PTPRG: variants seen among roughly 807,000 people sequenced by gnomAD.
PTPRG encodes receptor-type tyrosine-protein phosphatase gamma.
PTPRG carries 102 observed loss-of-function variants against 165.3 expected under a neutral mutation model. The observed-to-expected ratio is 0.62, with a 90% CI of 0.53 to 0.73. The LOEUF is 0.73. PTPRG is among the 30% of genes least tolerant of loss of function. The pLI is 0.00. For missense variants in PTPRG, 1,866 were observed against 1,861.4 expected (o/e 1.00, Z -0.05); for synonymous variants, 675 against 669.5 (o/e 1.01, Z -0.13).
chr3:62,182,339 A>G (rs1254006315), intron 8 of PTPRG, among the ~76,000 whole-genome samples: 1 of 152,250 alleles, frequency 6.6e-6, no homozygotes, highest in East Asian at 1.9e-4. Context: ...TTATCACACA[A>G]GTCTCGTAAC....
chr3:61,729,429 C>T (rs982190571), intron 1 of PTPRG, among the ~76,000 whole-genome samples: 3 of 152,066 alleles, frequency 2.0e-5, no homozygotes, highest in Non-Finnish European at 4.4e-5. Flanking sequence ...ATCAGTTTGC[C>T]GTGTTTGCTC....
intron 2 of PTPRG, among the ~76,000 whole-genome samples, chr3:61,908,153 G>A (rs1441825280): frequency 7.0e-6 from 1 of 143,266 alleles, no homozygotes; most frequent in African/African-American, 2.6e-5. Context: ...AAAAAAATCG[G>A]CCGGGCTCAC....
intron 1 of PTPRG, among the ~76,000 whole-genome samples, chr3:61,580,293 A>G (rs1700257921): frequency 6.6e-6 from 1 of 152,178 alleles, no homozygotes; most frequent in Non-Finnish European, 1.5e-5. Context: ...CAAAATTAAA[A>G]AACAAACAAC....
chr3:61,784,187 T>C (rs2034626453), intron 2 of PTPRG, among the ~76,000 whole-genome samples: 1 of 152,152 alleles, frequency 6.6e-6, no homozygotes, highest in African/African-American at 2.4e-5. Context: ...TAATTGGTGA[T>C]GTCAGCGGGG....
At chr3:61,698,504 CTGTGTG>C (rs1472583953) in intron 1 of PTPRG, among the ~76,000 whole-genome samples, 3 of 152,156 alleles carry the variant, frequency 2.0e-5, no homozygotes, top group Non-Finnish European at 4.4e-5. Flanking sequence ...ACCACTGTAG[CTGTGTG>C]TGTCAATACA....
Position 62,210,997 on chromosome 3 carries a change from G to C in PTPRG, c.2155+7047G>C, listed in dbSNP as rs1245699605. 6.6e-6 allele frequency among the ~76,000 whole-genome samples: 1 copy of C among 152,160 alleles called. No individual in the cohort carries two copies. Among genetic ancestry groups the C allele is most frequent in the Non-Finnish European group, 1.5e-5 (1 of 68,024 alleles). ...CCCCTAATGCCTATGTTGTTGGTGG[G>C]TTAACTGTATGCCCAAAGGATTGAA... On this transcript the variant is annotated intron_variant, in intron 12 of 29. Transcript: ENST00000474889. This position sits in a 1 kb window ranked among gnomAD's most constrained non-coding sequence, Gnocchi z 4.1.
chr3:61,821,596 T>C (rs929927694), intron 2 of PTPRG, among the ~76,000 whole-genome samples: 1 of 152,228 alleles, frequency 6.6e-6, no homozygotes, highest in African/African-American at 2.4e-5. Context: ...AGTAATGTGC[T>C]GTGACTTATA....
chr3:62,069,734 T>C (rs1701149688), intron 4 of PTPRG, among the ~76,000 whole-genome samples: 1 of 149,652 alleles, frequency 6.7e-6, no homozygotes, highest in African/African-American at 2.5e-5. Flanking sequence ...ACAGAGTAAC[T>C]CCGGCCTATA....
Position 61,665,022 on chromosome 3 carries a change from A to T in PTPRG, c.86-83856A>T, listed in dbSNP as rs541614814. On this transcript the variant is annotated intron_variant, in intron 1 of 29. Transcript: ENST00000474889. ...AAATCTTACTGTCTCTATCAGTGTC[A>T]CCCCTGTTTGAATAGGAACCCTCAC... Among the ~76,000 whole-genome samples the T allele has an allele frequency of 4.6e-5, 7 of 152,168 alleles. No individual in the cohort carries two copies. In the South Asian group the frequency reaches 1.5e-3, roughly 32 times the overall value.
intron 6 of PTPRG, among the ~76,000 whole-genome samples, chr3:62,149,449 T>G (rs1316972119): frequency 6.6e-6 from 1 of 152,114 alleles, no homozygotes; most frequent in African/African-American, 2.4e-5. Flanking sequence ...AATTTTTGTA[T>G]CTTTAGATGT....
intron 2 of PTPRG, among the ~76,000 whole-genome samples, chr3:61,819,918 A>G (rs1430647746): frequency 6.6e-6 from 1 of 152,164 alleles, no homozygotes; most frequent in Non-Finnish European, 1.5e-5. Context: ...CATTATAACT[A>G]GTTGGGAAAA....
chr3:61,808,087 C>T (rs1161856100), intron 2 of PTPRG, among the ~76,000 whole-genome samples: 7 of 152,148 alleles, frequency 4.6e-5, no homozygotes, highest in African/African-American at 1.7e-4. Context: ...TATTGTTATA[C>T]AAACAAAACT....
At chr3:62,267,924 G>A (rs903093504) in intron 19 of PTPRG, 105 bp downstream of exon 19, 13 of 1,331,996 alleles carry the variant, frequency 9.8e-6, no homozygotes, top group Admixed American at 9.0e-5. Context: ...AAAGAGTTAC[G>A]GAAATGAAAA....
chr3:61,900,591 A>G (rs1227794725), intron 2 of PTPRG, among the ~76,000 whole-genome samples: 1 of 152,102 alleles, frequency 6.6e-6, no homozygotes, highest in African/African-American at 2.4e-5. Flanking sequence ...GCAGCTCCCA[A>G]ACCACCCTGT....
rs2032919833 is a variant in PTPRG at position 61,740,084 on chromosome 3, C to G, written c.86-8794C>G. ...TGGTGGCCACCAGCATGTAATCTCT[C>G]TGCTGTTTGCCATTTCTGCTGGCCA... is the stretch of plus-strand genomic sequence containing the variant. On this transcript the variant is annotated intron_variant, in intron 1 of 29. Transcript: ENST00000474889. Among the ~76,000 whole-genome samples, 3 of 152,196 alleles carry G rather than the reference C, an allele frequency of 2.0e-5. No homozygotes were observed. In the South Asian group the frequency reaches 6.2e-4, roughly 31 times the overall value.
intron 2 of PTPRG, among the ~76,000 whole-genome samples, chr3:61,974,888 G>C (rs2107667538): frequency 6.6e-6 from 1 of 152,282 alleles, no homozygotes; most frequent in African/African-American, 2.4e-5. Context: ...CAGACCTGAA[G>C]TCTGTGTTGA....
At chr3:61,712,354 C>T (rs1322321984) in intron 1 of PTPRG, among the ~76,000 whole-genome samples, 1 of 151,098 alleles carries the variant, frequency 6.6e-6, no homozygotes, top group Non-Finnish European at 1.5e-5. Flanking sequence ...AAAGAGAGAA[C>T]ACTGGAGAAT....
chr3:61,995,745 T>TTCCTTCCC (rs1311791723), intron 3 of PTPRG, among the ~76,000 whole-genome samples: 6 of 109,730 alleles, frequency 5.5e-5, no homozygotes, highest in Admixed American at 2.1e-4. Flanking sequence ...CCTTCCTTCC[T>TTCCTTCCC]TCCCTCCCTC....
At chr3:61,837,840 G>C (rs2036515608) in intron 2 of PTPRG, among the ~76,000 whole-genome samples, 1 of 152,208 alleles carries the variant, frequency 6.6e-6, no homozygotes, top group South Asian at 2.1e-4. Flanking sequence ...TCAAATATCA[G>C]TGTATTGCAA....
Sources: gnomAD v4.1 joint callset for allele counts (sites outside exome capture counted in the v4.1 genomes callset) on GRCh38, gnomAD v4.1.1 for gene constraint, Gnocchi (gnomAD v3.1) non-coding constraint, MANE v1.5 for transcripts, NCBI Gene and HGNC (gene_info 2026-07-23, HGNC 2026-07-21) for gene names.